KIF14: variants seen among roughly 807,000 people sequenced by gnomAD.
The protein encoded by KIF14 is kinesin family member 14, also known as kinesin-like protein KIF14.
KIF14 carries 98 observed loss-of-function variants against 176.2 expected under a neutral mutation model. The observed-to-expected ratio is 0.56, with a 90% CI of 0.47 to 0.66. The LOEUF is 0.66. Among genes scored for constraint, KIF14 ranks in the 30% least tolerant of loss-of-function variants. KIF14 has a pLI of 0.00. For synonymous variants in KIF14, 566 were observed against 632.2 expected (o/e 0.90, Z 1.57); for missense variants, 1,751 against 1,920.4 (o/e 0.91, Z 1.65).
In KIF14 at chr1:200,592,249, C is replaced by A; in HGVS notation, c.2653-9G>T. 1 of 1,584,580 alleles carries A rather than the reference C, an allele frequency of 6.3e-7. No individual in the cohort carries two copies. The highest frequency in any genetic ancestry group is 1.2e-5 in the South Asian group (1 of 85,656). ...AGAATCACTCGATCACCCTAAAGCA[C>A]ACAAAAAAATGTACTACTTGAGGTG... On this transcript the variant is annotated splice_polypyrimidine_tract_variant and intron_variant, in intron 15 of 29. Transcript: ENST00000367350.
At chr1:200,609,203 C>T (rs1022899504) in intron 4 of KIF14, among the ~76,000 whole-genome samples, 1 of 152,146 alleles carries the variant, frequency 6.6e-6, no homozygotes, top group Non-Finnish European at 1.5e-5. Flanking sequence ...AAAACAACTT[C>T]ACACCCACTA....
chr1:200,593,348 T>C (rs1174844395), intron 15 of KIF14, among the ~76,000 whole-genome samples: 2 of 152,224 alleles, frequency 1.3e-5, no homozygotes, highest in East Asian at 3.8e-4. Flanking sequence ...TTTAATCATC[T>C]AGTTAAATAA....
chr1:200,585,609 G>C (rs1571511824), intron 19 of KIF14, among the ~76,000 whole-genome samples: 2 of 152,108 alleles, frequency 1.3e-5, no homozygotes, highest in African/African-American at 4.8e-5. Context: ...GCAATTTATT[G>C]CTCACAGTTC....
At chr1:200,613,172 G>A (rs1033599827) in intron 4 of KIF14, among the ~76,000 whole-genome samples, 1 of 152,102 alleles carries the variant, frequency 6.6e-6, no homozygotes, top group Non-Finnish European at 1.5e-5. Context: ...ACAGGCATGA[G>A]CCACCGCACC....
At chr1:200,586,786 CATACATATATATAT>C (rs1293466395) in intron 18 of KIF14, among the ~76,000 whole-genome samples, 10 of 85,294 alleles carry the variant, frequency 1.2e-4, no homozygotes, top group Middle Eastern at 6.3e-3. Context: ...TATATATATA[CATACATATATATAT>C]ATATATATAT....
intron 10 of KIF14, 24 bp downstream of exon 10, chr1:200,603,202 C>A (rs371977434): frequency 1.5e-6 from 2 of 1,354,338 alleles, no homozygotes; most frequent in South Asian, 1.2e-5. Context: ...TTATACAATT[C>A]TTTATACTTC....
At chr1:200,581,423 G>A in intron 19 of KIF14, 129 bp from the exon 20 acceptor site, 1 of 442,690 alleles carries the variant, frequency 2.3e-6, no homozygotes. Context: ...TATTGCAGAA[G>A]GATAAGTGAT....
At chr1:200,575,499 A>C (rs1289422511) in intron 22 of KIF14, 92 bp downstream of exon 22, 9 of 568,644 alleles carry the variant, frequency 1.6e-5, no homozygotes, top group Non-Finnish European at 2.6e-5. Flanking sequence ...TAAAATAGGA[A>C]ATAATATATA....
At chr1:200,597,452 A>G (rs1188479688) in intron 14 of KIF14, among the ~76,000 whole-genome samples, 1 of 152,216 alleles carries the variant, frequency 6.6e-6, no homozygotes, top group Non-Finnish European at 1.5e-5. Flanking sequence ...CAATCAACAC[A>G]TGAAAAGATG....
intron 13 of KIF14, among the ~76,000 whole-genome samples, chr1:200,598,632 C>T (rs546215832): frequency 5.5e-4 from 83 of 152,224 alleles, no homozygotes; most frequent in African/African-American, 2.0e-3. Flanking sequence ...GATCTCGGCT[C>T]ACTGCAACCT....
intron 14 of KIF14, among the ~76,000 whole-genome samples, chr1:200,595,769 T>G (rs1659301409): frequency 6.6e-6 from 1 of 150,446 alleles, no homozygotes; most frequent in African/African-American, 2.5e-5. Context: ...GCCAACATGA[T>G]GAAATCGTCT....
intron 1 of KIF14, among the ~76,000 whole-genome samples, chr1:200,619,497 C>T (rs1366356592): frequency 1.3e-5 from 2 of 152,064 alleles, no homozygotes; most frequent in African/African-American, 2.4e-5. Context: ...GGACTACAGG[C>T]GCCCACCACC....
intron 8 of KIF14, among the ~76,000 whole-genome samples, chr1:200,604,407 C>T (rs1360554159): frequency 2.0e-5 from 3 of 151,980 alleles, no homozygotes; most frequent in Non-Finnish European, 4.4e-5. Context: ...ATTTATAACA[C>T]AAAAATATTC....
chr1:200,577,689 G>C (rs913409861), intron 21 of KIF14, among the ~76,000 whole-genome samples: 2 of 150,798 alleles, frequency 1.3e-5, no homozygotes, highest in African/African-American at 4.9e-5. Context: ...AACGGAGTGA[G>C]ACTCCGTCTC....
intron 22 of KIF14, among the ~76,000 whole-genome samples, chr1:200,572,240 A>T (rs938331849): frequency 6.6e-6 from 1 of 152,242 alleles, no homozygotes; most frequent in Admixed American, 6.5e-5. Flanking sequence ...GAAAACATTG[A>T]GATGTTTTGA....
rs184483857 is a variant in KIF14, at chr1:200,593,970, G to A, written c.2550-201C>T. 2.5e-3 allele frequency among the ~76,000 whole-genome samples: 284 copies of A among 114,290 alleles called. 1 individual carries two copies. The highest frequency in any genetic ancestry group is 9.5e-3 in the African/African-American group (267 of 28,170). 75.0% of individuals were successfully genotyped at this position (114,290 alleles called of 152,430 possible). On this transcript the variant is annotated intron_variant, in intron 14 of 29. Transcript: ENST00000367350. The stretch of plus-strand genomic sequence containing the variant: ...TTTTGAGACGGAGTCTTGCTCTGTC[G>A]CCCAGGCTGGAGTGTAGTGATACAA...
At chr1:200,557,980 A>T (rs1656925429) in intron 27 of KIF14, among the ~76,000 whole-genome samples, 1 of 152,166 alleles carries the variant, frequency 6.6e-6, no homozygotes, top group African/African-American at 2.4e-5. Context: ...GTTTGAGACA[A>T]GGTCTTGCTC....
chr1:200,574,350 G>C (rs1331024933), intron 22 of KIF14, among the ~76,000 whole-genome samples: 1 of 152,092 alleles, frequency 6.6e-6, no homozygotes, highest in Non-Finnish European at 1.5e-5. Context: ...CTTTCCCCTA[G>C]TCAGTCACCC....
chr1:200,588,409 T>G (rs1050552797), intron 18 of KIF14, among the ~76,000 whole-genome samples: 74 of 151,842 alleles, frequency 4.9e-4, no homozygotes, highest in Non-Finnish European at 1.9e-4. Flanking sequence ...CCCAGCTAAT[T>G]TTTGTATTTT....
Sources: gnomAD v4.1 joint callset for allele counts (sites outside exome capture counted in the v4.1 genomes callset) on GRCh38, gnomAD v4.1.1 for gene constraint, MANE v1.5 for transcripts, NCBI Gene and HGNC (gene_info 2026-07-23, HGNC 2026-07-21) for gene names.